CAST: variants seen among roughly 807,000 people sequenced by gnomAD.
CAST encodes the protein MIR583 host.
CAST carries 76 observed loss-of-function variants against 119.6 expected under a neutral mutation model. The ratio of observed to expected loss-of-function variants is 0.64; its 90% CI spans 0.53 to 0.77. CAST has a LOEUF of 0.77. Among genes scored for constraint, CAST ranks in the 30% least tolerant of loss-of-function variants. The probability of loss-of-function intolerance (pLI) is 0.00; values close to 1 mark genes in which losing one functional copy is unlikely to be tolerated. For synonymous variants in CAST, 319 were observed against 331.6 expected (o/e 0.96, Z 0.41); for missense variants, 953 against 946.5 (o/e 1.01, Z -0.09).
chr5:96,655,189 T>C (rs1166986371), intron 1 of CAST, among the ~76,000 whole-genome samples: 2 of 152,176 alleles, frequency 1.3e-5, no homozygotes. Context: ...CAAGACCTGA[T>C]GGTGGGTAAA....
At chr5:96,248,334 T>C in the CAST span, among the ~76,000 whole-genome samples, 1 of 152,212 alleles carries the variant, frequency 6.6e-6, no homozygotes, top group African/African-American at 2.4e-5. Flanking sequence ...ACAGCACAGT[T>C]TGGACTGAGC....
In CAST at chr5:96,688,886, TA is replaced by T. The variant is rs1367965530; in HGVS notation, c.139-6947del. 1.4e-4 allele frequency among the ~76,000 whole-genome samples: 21 copies of T among 152,214 alleles called. 1 individual carries two copies. Among genetic ancestry groups the T allele is most frequent in the African/African-American group, 4.6e-4 (19 of 41,532 alleles). ...CCCATGCATGTATCTGCTTAGACCT[TA>T]AAGAGAGAAGTGCTGTGTATTTGAG... On this transcript the variant is annotated intron_variant, in intron 2 of 31. Coordinates refer to ENST00000675179, the MANE Select transcript of CAST (RefSeq NM_001750.7).
chr5:96,088,001 T>A, the CAST span, among the ~76,000 whole-genome samples: 1 of 152,176 alleles, frequency 6.6e-6, no homozygotes, highest in South Asian at 2.1e-4. Context: ...CAACAATGCC[T>A]CCATGACAAT....
At chr5:96,550,868 A>C (rs1267747258) in intron 1 of CAST, among the ~76,000 whole-genome samples, 1 of 152,240 alleles carries the variant, frequency 6.6e-6, no homozygotes, top group African/African-American at 2.4e-5. Context: ...GATTAGAGAT[A>C]AAAGAGTGAA....
chr5:96,664,834 G>A (rs1749112654), intron 1 of CAST, among the ~76,000 whole-genome samples: 1 of 152,140 alleles, frequency 6.6e-6, no homozygotes, highest in Non-Finnish European at 1.5e-5. Context: ...TTTGATTGAT[G>A]TGGTAAGAAC....
the CAST span, among the ~76,000 whole-genome samples, chr5:95,993,882 G>C: frequency 1.3e-5 from 2 of 151,918 alleles, no homozygotes. Flanking sequence ...AACATCACTA[G>C]TTATCAGGGA....
At chr5:96,160,798 C>A in the CAST span, among the ~76,000 whole-genome samples, 1 of 152,146 alleles carries the variant, frequency 6.6e-6, no homozygotes, top group African/African-American at 2.4e-5. Flanking sequence ...ATAATATTCA[C>A]CCTACTGGGT....
intron 1 of CAST, among the ~76,000 whole-genome samples, chr5:96,562,512 C>A (rs1746398183): frequency 6.6e-6 from 1 of 152,130 alleles, no homozygotes. Flanking sequence ...GAAACAAGAG[C>A]TGTCATACAT....
At chr5:96,047,415 A>C in the CAST span, among the ~76,000 whole-genome samples, 3 of 152,162 alleles carry the variant, frequency 2.0e-5, no homozygotes. Context: ...AGTTTCTATA[A>C]GAACTCAAAT....
the CAST span, among the ~76,000 whole-genome samples, chr5:96,361,573 T>A: frequency 6.6e-6 from 1 of 152,176 alleles, no homozygotes; most frequent in Admixed American, 6.5e-5. Flanking sequence ...TGGCTTCCCT[T>A]GGCTAGGGGA....
Position 96,722,636 on chromosome 5 carries a change from T to A in CAST, c.211-3T>A. On this transcript the variant is annotated splice_region_variant and splice_polypyrimidine_tract_variant and intron_variant, in intron 3 of 31. Transcript: ENST00000675179. ...ACTTTCTATTTCTTTCTTTCCTTTC[T>A]AGGTGTCAGCTTCCTCTGGTGCAAC... 6.2e-7 allele frequency: 1 copy of A among 1,609,112 alleles called. No homozygotes were observed. The highest frequency in any genetic ancestry group is 8.5e-7 in the Non-Finnish European group (1 of 1,175,396).
the CAST span, among the ~76,000 whole-genome samples, chr5:96,426,701 A>G: frequency 6.6e-6 from 1 of 152,336 alleles, no homozygotes; most frequent in South Asian, 2.1e-4. Context: ...TTTCTTGGCA[A>G]TATGACTATT....
chr5:96,519,087 G>A, the CAST span, among the ~76,000 whole-genome samples: 18 of 152,158 alleles, frequency 1.2e-4, no homozygotes, highest in Admixed American at 6.5e-5. Context: ...ATGGCTGTGA[G>A]TATCAATAAT....
intron 1 of CAST, among the ~76,000 whole-genome samples, chr5:96,540,555 T>G (rs1208076448): frequency 6.6e-6 from 1 of 152,220 alleles, no homozygotes; most frequent in Non-Finnish European, 1.5e-5. Context: ...TACTTTAGGA[T>G]AGTACATTTC....
At chr5:96,662,923 G>A in intron 1 of CAST, 1 of 590,244 alleles carries the variant, frequency 1.7e-6, no homozygotes, top group South Asian at 2.0e-5. Context: ...TCCCTAACCA[G>A]CCTCGAGCCA....
At chr5:96,633,487 G>C (rs1007212365) in intron 1 of CAST, among the ~76,000 whole-genome samples, 16 of 152,078 alleles carry the variant, frequency 1.1e-4, no homozygotes, top group African/African-American at 3.9e-4. Context: ...TAAATTGAAT[G>C]TTTTCTTAAT....
chr5:96,639,214 C>A (rs1414195670), intron 1 of CAST, among the ~76,000 whole-genome samples: 1 of 152,190 alleles, frequency 6.6e-6, no homozygotes, highest in African/African-American at 2.4e-5. Flanking sequence ...CAGGGCCCCC[C>A]ATACTGTGAC....
the CAST span, among the ~76,000 whole-genome samples, chr5:96,415,591 G>A: frequency 0.014 from 2,068 of 152,158 alleles, 44 homozygotes; most frequent in African/African-American, 0.048. Context: ...ATAAAATTTG[G>A]CTATTTAATA....
intron 1 of CAST, among the ~76,000 whole-genome samples, chr5:96,562,947 C>T (rs1466337023): frequency 6.6e-6 from 1 of 151,302 alleles, no homozygotes; most frequent in Non-Finnish European, 1.5e-5. Context: ...TCCTGCCCTT[C>T]TCTCCTGAAG....
Sources: gnomAD v4.1 joint callset for allele counts (sites outside exome capture counted in the v4.1 genomes callset) on GRCh38, gnomAD v4.1.1 for gene constraint, MANE v1.5 for transcripts, NCBI Gene and HGNC (gene_info 2026-07-23, HGNC 2026-07-21) for gene names.